Variants in KIAA1217 observed in about 807,000 individuals in gnomAD.
KIAA1217 encodes the protein KIAA1217.
A neutral mutation model predicts 163.9 loss-of-function variants in KIAA1217; 88 were observed. The ratio of observed to expected loss-of-function variants is 0.54; its 90% confidence interval spans 0.45 to 0.64. KIAA1217 has a LOEUF of 0.64. Ranked by LOEUF, KIAA1217 falls within the 30% of genes least tolerant of loss-of-function variation. The pLI is 0.00. For synonymous variants in KIAA1217, 903 were observed against 923.1 expected (o/e 0.98, Z 0.39); for missense variants, 2,372 against 2,475.0 (o/e 0.96, Z 0.88).
At chr10:24,360,174 G>A (rs539469402) in intron 2 of KIAA1217, among the ~76,000 whole-genome samples, 49 of 149,656 alleles carry the variant, frequency 3.3e-4, no homozygotes, top group African/African-American at 1.2e-3. Context: ...AGCTTCCCGA[G>A]TAGCTGGGAT....
chr10:23,734,259 C>T (rs1032303439), intron 1 of KIAA1217, among the ~76,000 whole-genome samples: 2 of 151,144 alleles, frequency 1.3e-5, no homozygotes, highest in South Asian at 2.1e-4. Context: ...TAGAAGTTAT[C>T]ATTGCCTTTG....
At chr10:24,439,137 A>G (rs187779210) in intron 5 of KIAA1217, among the ~76,000 whole-genome samples, 1 of 152,322 alleles carries the variant, frequency 6.6e-6, no homozygotes, top group Admixed American at 6.5e-5. Context: ...AGAAGGAGAA[A>G]CTGAAAAAGC....
At chr10:23,846,250 G>A (rs1261056407) in intron 1 of KIAA1217, among the ~76,000 whole-genome samples, 1 of 151,860 alleles carries the variant, frequency 6.6e-6, no homozygotes, top group Non-Finnish European at 1.5e-5. Flanking sequence ...TTAAGGTAGT[G>A]TTTTCCAATT....
At chr10:24,157,840 A>G (rs1176215206) in intron 2 of KIAA1217, 1 of 522,180 alleles carries the variant, frequency 1.9e-6, no homozygotes, top group African/African-American at 1.9e-5. Flanking sequence ...ATGCAATGGC[A>G]GCCTTTGCCA....
intron 1 of KIAA1217, among the ~76,000 whole-genome samples, chr10:23,882,697 G>C (rs747828042): frequency 2.6e-5 from 4 of 151,768 alleles, no homozygotes; most frequent in Non-Finnish European, 5.9e-5. Flanking sequence ...CCATCTTCTG[G>C]GAATTACTCT....
chr10:24,512,913 A>G (rs1228185917), intron 9 of KIAA1217, among the ~76,000 whole-genome samples: 4 of 152,188 alleles, frequency 2.6e-5, no homozygotes, highest in Non-Finnish European at 4.4e-5. Flanking sequence ...AGAGTATGGG[A>G]TTAGACCCAA....
At chr10:24,000,228 A>C (rs555803969) in intron 1 of KIAA1217, among the ~76,000 whole-genome samples, 1 of 152,144 alleles carries the variant, frequency 6.6e-6, no homozygotes, top group Non-Finnish European at 1.5e-5. Flanking sequence ...CCCAAATCTC[A>C]TCTTGAATTA....
At chr10:24,377,226 G>C (rs2052632433) in intron 2 of KIAA1217, among the ~76,000 whole-genome samples, 1 of 152,162 alleles carries the variant, frequency 6.6e-6, no homozygotes, top group Non-Finnish European at 1.5e-5. Flanking sequence ...TTGCGGGTTT[G>C]GGGTTGCCTA....
chr10:24,309,322 T>C (rs2042379793), intron 2 of KIAA1217, among the ~76,000 whole-genome samples: 1 of 145,480 alleles, frequency 6.9e-6, no homozygotes, highest in South Asian at 2.2e-4. Context: ...CAGTAGACCA[T>C]GACAAATAGG....
chr10:23,956,748 A>C (rs1234029164), intron 1 of KIAA1217, among the ~76,000 whole-genome samples: 1 of 152,196 alleles, frequency 6.6e-6, no homozygotes, highest in Non-Finnish European at 1.5e-5. Flanking sequence ...GAGCCAGTGT[A>C]TCTCGTGGCA....
intron 6 of KIAA1217, among the ~76,000 whole-genome samples, chr10:24,492,229 C>T (rs746206307): frequency 2.0e-5 from 3 of 152,222 alleles, no homozygotes; most frequent in Non-Finnish European, 2.9e-5. Flanking sequence ...TGAGATGCTA[C>T]TGTGACTTGG....
intron 1 of KIAA1217, among the ~76,000 whole-genome samples, chr10:23,792,123 A>T (rs1048331826): frequency 6.6e-6 from 1 of 152,216 alleles, no homozygotes; most frequent in Admixed American, 6.5e-5. Flanking sequence ...TCATTTTATG[A>T]TATGTTTTAT....
chr10:24,193,801 TACACACACACACACACACAC>T (rs10562687), intron 2 of KIAA1217, among the ~76,000 whole-genome samples: 22 of 142,376 alleles, frequency 1.5e-4, no homozygotes, highest in South Asian at 4.7e-4. Flanking sequence ...CAGCGTTTTC[TACACACACACACACACACAC>T]ACACACACAC....
intron 2 of KIAA1217, among the ~76,000 whole-genome samples, chr10:24,306,370 T>A (rs1366515631): frequency 1.3e-5 from 2 of 152,206 alleles, no homozygotes; most frequent in Admixed American, 1.3e-4. Context: ...TTTAGGACTT[T>A]AAGTAATTCA....
chr10:24,017,040 G>GTTTTTTTTTT (rs35042335), intron 2 of KIAA1217, among the ~76,000 whole-genome samples: 8 of 130,218 alleles, frequency 6.1e-5, no homozygotes, highest in African/African-American at 1.2e-4. Context: ...TAGTTTTTTT[G>GTTTTTTTTTT]TTTTTTTTTT....
Position 24,545,583 on chromosome 10 carries a change from A to C in KIAA1217, c.5335-244A>C, listed in dbSNP as rs910634695. 2.9e-6 allele frequency: 4 copies of C among 1,370,282 alleles called. No individual in the cohort carries two copies. The African/African-American group carries it at 5.8e-5, about 20-fold the overall frequency. 84.9% of individuals were successfully genotyped at this position (1,370,282 alleles called of 1,614,324 possible). On this transcript the variant is annotated intron_variant, in intron 20 of 20. Transcript: ENST00000376454. ...GCACACAGGAAATGGTAGAGCTGGA[A>C]TGATGGGACTCCTCTCACAAATGTA...
At chr10:24,187,552 G>A (rs1235610508) in intron 2 of KIAA1217, among the ~76,000 whole-genome samples, 1 of 152,164 alleles carries the variant, frequency 6.6e-6, no homozygotes, top group South Asian at 2.1e-4. Context: ...GAGGGGGTGG[G>A]CCTCCTGCAT....
Position 23,857,180 on chromosome 10 carries a change from A to T in KIAA1217, c.-320-150045A>T, listed in dbSNP as rs939556533. Among the ~76,000 whole-genome samples, 6 of 152,152 alleles carry T rather than the reference A, an allele frequency of 3.9e-5. No individual in the cohort carries two copies. The South Asian group carries it at 6.2e-4, about 16-fold the overall frequency. On this transcript the variant is annotated intron_variant, in intron 1 of 18. Coordinates refer to the KIAA1217 transcript ENST00000376462. ...GCTCTCTCAGGGATTACAATTTTAT[A>T]TGAAATTTGGGTAGGGATGTGAATC...
intron 1 of KIAA1217, among the ~76,000 whole-genome samples, chr10:23,909,941 A>C (rs1842358691): frequency 6.6e-6 from 1 of 152,194 alleles, no homozygotes; most frequent in Non-Finnish European, 1.5e-5. Flanking sequence ...ATTTCTCTGC[A>C]TCCTCTCCAG....
Sources: gnomAD v4.1 joint callset for allele counts (sites outside exome capture counted in the v4.1 genomes callset) on GRCh38, gnomAD v4.1.1 for gene constraint, MANE v1.5 for transcripts, NCBI Gene and HGNC (gene_info 2026-07-23, HGNC 2026-07-21) for gene names.